Variants in RNF167 observed in about 807,000 individuals in gnomAD.
RNF167 encodes the protein ring finger protein 167.
Under a neutral mutation model 34.8 loss-of-function variants are expected in RNF167, and 19 were observed. That is an observed-to-expected ratio of 0.55 (90% confidence interval 0.38 to 0.80). The LOEUF (loss-of-function observed/expected upper bound fraction) is 0.80, where lower values mean the gene tolerates loss of function less well. Ranked by LOEUF, RNF167 falls within the 30% of genes least tolerant of loss-of-function variation. RNF167 has a pLI of 0.00. For synonymous variants in RNF167, 200 were observed against 170.4 expected, an observed-to-expected ratio of 1.17 and a Z score of -1.35; for missense variants, 464 against 447.0, an observed-to-expected ratio of 1.04 and a Z score of -0.34.
chr17:4,943,579 T>A (rs1435363600), intron 8 of RNF167, 60 bp downstream of exon 8: 37 of 1,372,276 alleles, frequency 2.7e-5, no homozygotes, highest in Non-Finnish European at 3.1e-5. Flanking sequence ...TGAAGGACTT[T>A]GAGCCCAGAA....
Position 4,945,155 on chromosome 17 carries a change from AGC to A in RNF167, c.*140_*141del. 2.7e-6 allele frequency: 2 copies of A among 745,744 alleles called. No homozygotes were observed. The highest frequency in any genetic ancestry group is 2.9e-5 in the Admixed American group (1 of 34,204). The allele number at this position is 745,744 out of a possible 1,614,324, so 46.2% of individuals were successfully genotyped here. On this transcript the variant is annotated 3_prime_UTR_variant, in exon 10 of 10. Coordinates refer to ENST00000262482, the MANE Select transcript of RNF167 (RefSeq NM_015528.3). ...ATCCTTTTGAGGGGCTTTGGGGTGG[AGC>A]TGGGGCAAGCAGAGGGACTGGGTCT...
At chr17:4,944,499 C>T (rs1286065083) in intron 8 of RNF167, 59 bp from the exon 9 acceptor site, 2 of 1,523,164 alleles carry the variant, frequency 1.3e-6, no homozygotes, top group East Asian at 4.6e-5. Context: ...GCTTTAAAAG[C>T]CTTAGCCCTG....
In RNF167 at chr17:4,941,152, C is replaced by T. The variant is rs1400675534; in HGVS notation, c.160C>T (p.Leu54Phe). The T allele has an allele frequency of 6.2e-7, 1 of 1,613,704 alleles. No individual in the cohort carries two copies. The highest frequency in any genetic ancestry group is 8.5e-7 in the Non-Finnish European group (1 of 1,179,598). Reference protein sequence around the residue: ...LFGATLSQEGLQGFLVEAHPD... With the variant: ...LFGATLSQEGFQGFLVEAHPD... ...TGGGGCTACCTTGAGCCAGGAGGGC[C>T]TCCAGGTGATTTTCTTTCTTTTCTT... The change falls in exon 3 of 10, where the codon CTC (leucine) becomes TTC (phenylalanine). Residue 54 changes from leucine to phenylalanine, a missense_variant. Leu to Phe is a conservative substitution (Grantham distance 22, BLOSUM62 0). Transcript: ENST00000262482.
intron 4 of RNF167, 32 bp from the exon 5 acceptor site, chr17:4,942,545 A>C: frequency 6.2e-7 from 1 of 1,613,796 alleles, no homozygotes; most frequent in Non-Finnish European, 8.5e-7. Context: ...AAGGCCCATG[A>C]TGGCTCCTTG....
rs1971285287 is a variant in RNF167 at position 4,945,085 on chromosome 17, G to A, written c.*69G>A. On this transcript the variant is annotated 3_prime_UTR_variant, in exon 10 of 10. Coordinates refer to ENST00000262482, the MANE Select transcript of RNF167 (RefSeq NM_015528.3). ...CGTCGTCTTCCCTCCAGTCTTCTGAGGGATAGGGGACATTCCATCCCAAGC... is the reference window on the plus strand; with the variant it reads ...CGTCGTCTTCCCTCCAGTCTTCTGAAGGATAGGGGACATTCCATCCCAAGC... The A allele has an allele frequency of 2.2e-6, 3 of 1,348,062 alleles. No individual in the cohort carries two copies. The highest frequency in any genetic ancestry group is 5.0e-5 in the Admixed American group (2 of 40,304). The allele number at this position is 1,348,062 out of a possible 1,614,324, so 83.5% of individuals were successfully genotyped here. A position where few individuals can be genotyped will look rare whatever the true frequency, so the allele number is the denominator to read the frequency against.
At position 4,945,115 on chromosome 17, in the gene RNF167, C is replaced by T; in HGVS notation, c.*99C>T. The T allele has an allele frequency of 1.8e-6, 2 of 1,136,582 alleles. No homozygotes were observed. The highest frequency in any genetic ancestry group is 2.5e-6 in the Non-Finnish European group (2 of 813,980). 70.4% of individuals were successfully genotyped at this position (1,136,582 alleles called of 1,614,324 possible). A position where few individuals can be genotyped will look rare whatever the true frequency, so the allele number is the denominator to read the frequency against. On this transcript the variant is annotated 3_prime_UTR_variant, in exon 10 of 10. Transcript: ENST00000262482. The stretch of plus-strand genomic sequence containing the variant: ...AGGGGACATTCCATCCCAAGCTTCT[C>T]CCTTACCCACACCTATCCTTTTGAG...
chr17:4,943,558 T>C (rs1320053282), intron 8 of RNF167, 39 bp downstream of exon 8: 4 of 1,519,540 alleles, frequency 2.6e-6, no homozygotes, highest in Non-Finnish European at 3.6e-6. Context: ...TTCCCACAGT[T>C]TACCTGGTTC....
chr17:4,942,813 G>C, intron 5 of RNF167, 38 bp from the exon 6 acceptor site: 1 of 1,604,050 alleles, frequency 6.2e-7, no homozygotes, highest in Non-Finnish European at 8.5e-7. Flanking sequence ...TTGAGTAGAA[G>C]GTTGTGAGTC....
In RNF167 at chr17:4,943,162, G is replaced by A; in HGVS notation, c.471-17G>A. Reference sequence around the variant, plus strand: ...TTGCCTTTCTCGCCCTGCTGAGACTGGTCATCCTTTTCCCAGGGCTCGGGT... The same window carrying A: ...TTGCCTTTCTCGCCCTGCTGAGACTAGTCATCCTTTTCCCAGGGCTCGGGT... On this transcript the variant is annotated splice_polypyrimidine_tract_variant and intron_variant, in intron 6 of 9. Transcript: ENST00000262482. 1 of 1,607,410 alleles carries A rather than the reference G, an allele frequency of 6.2e-7. No homozygotes were observed. The highest frequency in any genetic ancestry group is 8.5e-7 in the Non-Finnish European group (1 of 1,174,286).
At chr17:4,944,465 T>A in intron 8 of RNF167, 93 bp from the exon 9 acceptor site, 1 of 1,507,384 alleles carries the variant, frequency 6.6e-7, no homozygotes, top group Non-Finnish European at 8.9e-7. Context: ...ACTGGCTTTG[T>A]AGGTGAGGGG....
rs779133928 is a variant in RNF167 at position 4,944,627 on chromosome 17, CCT to C, written c.741_742del (p.Ala249SerfsTer46). The C allele has an allele frequency of 8.1e-6, 13 of 1,613,858 alleles. No individual in the cohort carries two copies. The highest frequency in any genetic ancestry group is 1.1e-5 in the Non-Finnish European group (13 of 1,179,938). On this transcript the variant is annotated frameshift_variant, in exon 9 of 10. Transcript: ENST00000262482. LOFTEE classifies it high-confidence loss of function. ...GATGGGGACAAGCTGCGGGTACTCC[CCT>C]GTGCTCATGGTGAGGCCCTCACTGC... is the stretch of plus-strand genomic sequence containing the variant.
rs374498645 is a variant in RNF167, at chr17:4,943,176, C to T, written c.471-3C>T. The T allele has an allele frequency of 1.4e-5, 23 of 1,613,386 alleles. No individual in the cohort carries two copies. Among genetic ancestry groups the T allele is most frequent in the Non-Finnish European group, 1.9e-5 (22 of 1,179,610 alleles). On this transcript the variant is annotated splice_polypyrimidine_tract_variant and splice_region_variant and intron_variant, in intron 6 of 9. Transcript: ENST00000262482. ...CTGCTGAGACTGGTCATCCTTTTCC[C>T]AGGGCTCGGGTGCTTCTGGTTCCAG...
At position 4,944,543 on chromosome 17, in the gene RNF167, TTC is replaced by T; in HGVS notation, c.671-13_671-12del. The T allele has an allele frequency of 6.4e-7, 1 of 1,562,104 alleles. No individual in the cohort carries two copies. Among genetic ancestry groups the T allele is most frequent in the Non-Finnish European group, 8.7e-7 (1 of 1,153,360 alleles). On this transcript the variant is annotated splice_polypyrimidine_tract_variant and intron_variant, in intron 8 of 9. Transcript: ENST00000262482. ...TGGCTCAGTGAAGGACTAGATTATT[TTC>T]TTTCTGTCCCAGGAGACCAGTATGA...
Position 4,942,327 on chromosome 17 carries a change from C to T in RNF167, c.166-14C>T, listed in dbSNP as rs779024545. ...AAAGGAGAAATCTCACTGTTGTTTG[C>T]TTCCATCCTTCAGGGGTTCCTTGTG... is the stretch of plus-strand genomic sequence containing the variant. On this transcript the variant is annotated splice_polypyrimidine_tract_variant and intron_variant, in intron 3 of 9. Transcript: ENST00000262482. 7 of 1,612,576 alleles carry T rather than the reference C, an allele frequency of 4.3e-6. No individual in the cohort carries two copies. Among genetic ancestry groups the T allele is most frequent in the Non-Finnish European group, 5.1e-6 (6 of 1,179,822 alleles).
At chr17:4,942,211 CAG>C (rs1446775949) in intron 3 of RNF167, 128 bp from the exon 4 acceptor site, 1 of 1,075,514 alleles carries the variant, frequency 9.3e-7, no homozygotes, top group African/African-American at 1.6e-5. Flanking sequence ...GATGCTCACT[CAG>C]ACCCCAGGAA....
Position 4,944,866 on chromosome 17 carries a change from C to T in RNF167, c.903C>T (p.Asp301=). 1 of 1,613,942 alleles carries T rather than the reference C, an allele frequency of 6.2e-7. No homozygotes were observed. Among genetic ancestry groups the T allele is most frequent in the Non-Finnish European group, 8.5e-7 (1 of 1,179,936 alleles). The change falls in exon 10 of 10, where the codon GAC becomes GAT. Residue 301 remains aspartate, a synonymous_variant. Transcript: ENST00000262482. The part of the protein sequence containing the change: ...QEEGDEGEPR[D]HPASERTPLL... ...AGGGTGATGAAGGGGAGCCAAGGGACCACCCTGCCTCAGAAAGGACCCCAC... is the reference window on the plus strand; with the variant it reads ...AGGGTGATGAAGGGGAGCCAAGGGATCACCCTGCCTCAGAAAGGACCCCAC...
rs371972678 is a variant in RNF167 at position 4,942,389 on chromosome 17, C to T, written c.214C>T (p.Pro72Ser). Reference sequence around the variant, plus strand: ...AGACAATGCCTGCAGCCCCATTGCCCCACCACCCCCAGCCCCGGTCAATGG... The same window carrying T: ...AGACAATGCCTGCAGCCCCATTGCCTCACCACCCCCAGCCCCGGTCAATGG... ...HPDNACSPIAPPPPAPVNGSV... is the reference protein window; with the variant it reads ...HPDNACSPIASPPPAPVNGSV... Residue 72 changes from proline to serine, a missense_variant, in exon 4 of 10, where the codon CCA becomes TCA. Transcript: ENST00000262482. 25 of 1,613,946 alleles carry T rather than the reference C, an allele frequency of 1.5e-5. No homozygotes were observed. The highest frequency in any genetic ancestry group is 1.8e-5 in the Non-Finnish European group (21 of 1,179,984).
chr17:4,944,532 A>G lies in RNF167; in HGVS notation c.671-26A>G, dbSNP rs765416343. ...CTGGGTCATTGTGGCTCAGTGAAGG[A>G]CTAGATTATTTTCTTTCTGTCCCAG... On this transcript the variant is annotated intron_variant, in intron 8 of 9. Transcript: ENST00000262482. 90 of 1,552,684 alleles carry G rather than the reference A, an allele frequency of 5.8e-5. 1 individual carries two copies. The Middle Eastern group carries it at 6.1e-3, about 105-fold the overall frequency.
rs759828501 is a variant in RNF167, at chr17:4,943,470, A to G, written c.621A>G (p.Arg207=). ...IQHRKRLQRN[R]LTKEQLKQIP... Reference sequence around the variant, plus strand: ...ACCGGAAACGGCTCCAGCGGAATCGACTTACCAAAGAGCAACTGAAACAGA... The same window carrying G: ...ACCGGAAACGGCTCCAGCGGAATCGGCTTACCAAAGAGCAACTGAAACAGA... Residue 207 remains arginine, a synonymous_variant, in exon 8 of 10, where the codon CGA becomes CGG. Coordinates refer to ENST00000262482, the MANE Select transcript of RNF167 (RefSeq NM_015528.3). The G allele has an allele frequency of 2.5e-6, 4 of 1,614,044 alleles. No individual in the cohort carries two copies. Among genetic ancestry groups the G allele is most frequent in the Non-Finnish European group, 3.4e-6 (4 of 1,179,984 alleles).
Sources: allele counts gnomAD v4.1 joint callset, GRCh38; gene constraint gnomAD v4.1.1; transcripts MANE v1.5; gene names NCBI Gene and HGNC (gene_info 2026-07-23, HGNC 2026-07-21).